Variants in FAM47E observed in about 807,000 individuals in gnomAD.
FAM47E encodes the protein protein FAM47E.
Under a neutral mutation model 41.6 loss-of-function variants are expected in FAM47E, and 32 were observed. The observed-to-expected ratio is 0.77, with a 90% CI of 0.58 to 1.03. The LOEUF (loss-of-function observed/expected upper bound fraction) is 1.03, where lower values mean the gene tolerates loss of function less well. Ranked by LOEUF, FAM47E falls within the 50% of genes least tolerant of loss-of-function variation. The probability of loss-of-function intolerance (pLI) is 0.00; values close to 1 mark genes in which losing one functional copy is unlikely to be tolerated. For missense variants in FAM47E, 424 were observed against 485.4 expected, an observed-to-expected ratio of 0.87 and a Z score of 1.19; for synonymous variants, 184 against 188.7, an observed-to-expected ratio of 0.98 and a Z score of 0.20.
At chr4:76,247,679 C>T (rs1160840097), upstream of FAM47E, among the ~76,000 whole-genome samples, 8 of 152,188 alleles carry the variant, frequency 5.3e-5, no homozygotes, top group African/African-American at 1.7e-4. Context: ...TTTTGATTTG[C>T]ATTTCCTTAA....
At chr4:76,278,378 A>G (rs943907797) in intron 6 of FAM47E, 154 bp downstream of exon 6, 14 of 782,982 alleles carry the variant, frequency 1.8e-5, no homozygotes, top group Non-Finnish European at 2.5e-5. Flanking sequence ...AAGCTAAGTA[A>G]TGTTAAGGAG....
At chr4:76,276,031 C>T (rs1735084809) in intron 5 of FAM47E, among the ~76,000 whole-genome samples, 1 of 75,616 alleles carries the variant, frequency 1.3e-5, no homozygotes. Flanking sequence ...GACAGACAGA[C>T]AGACAGACAC....
intron 4 of FAM47E, 134 bp downstream of exon 4, chr4:76,268,902 C>A: frequency 9.2e-7 from 1 of 1,091,140 alleles, no homozygotes; most frequent in South Asian, 1.7e-5. Context: ...AAATCTAAGT[C>A]AAATCCTCAA....
intron 2 of FAM47E, among the ~76,000 whole-genome samples, chr4:76,260,758 A>G (rs1391606333): frequency 6.6e-6 from 1 of 152,220 alleles, no homozygotes; most frequent in Non-Finnish European, 1.5e-5. Context: ...GAAACTATCA[A>G]CAGAGTAAAC....
intron 2 of FAM47E, among the ~76,000 whole-genome samples, chr4:76,234,928 A>C (rs1324721327): frequency 6.6e-6 from 1 of 152,162 alleles, no homozygotes; most frequent in East Asian, 1.9e-4. Flanking sequence ...CTCTCAAAAA[A>C]AATTTTTCTT....
At chr4:76,229,165 G>A (rs1169421473) in intron 2 of FAM47E, among the ~76,000 whole-genome samples, 3 of 152,066 alleles carry the variant, frequency 2.0e-5, no homozygotes, top group Non-Finnish European at 4.4e-5. Context: ...ATTTTTCTAA[G>A]TGTGTCTTTG....
At chr4:76,228,944 T>A (rs997426022) in intron 2 of FAM47E, among the ~76,000 whole-genome samples, 1 of 152,088 alleles carries the variant, frequency 6.6e-6, no homozygotes, top group African/African-American at 2.4e-5. Context: ...AACTTTTAAA[T>A]TTCTCTTCTT....
upstream of FAM47E, among the ~76,000 whole-genome samples, chr4:76,251,385 C>T (rs1400861902): frequency 1.3e-5 from 2 of 152,186 alleles, no homozygotes; most frequent in Non-Finnish European, 2.9e-5. Flanking sequence ...CTTTCTCTTG[C>T]TATCTCTTTA....
intron 2 of FAM47E, among the ~76,000 whole-genome samples, chr4:76,261,675 G>C (rs1195853738): frequency 6.6e-6 from 1 of 152,034 alleles, no homozygotes; most frequent in African/African-American, 2.4e-5. Flanking sequence ...CTCCAAAAAG[G>C]GGGGTTAGGA....
chr4:76,273,024 G>A (rs185324239), intron 5 of FAM47E, among the ~76,000 whole-genome samples: 2 of 152,182 alleles, frequency 1.3e-5, no homozygotes, highest in Admixed American at 6.5e-5. Flanking sequence ...TTCAGTAGTC[G>A]CCTGTTATCT....
intron 7 of FAM47E, chr4:76,282,262 A>G (rs1452761483): frequency 6.6e-6 from 1 of 152,212 alleles, no homozygotes; most frequent in African/African-American, 2.4e-5. Flanking sequence ...CTAGACAACC[A>G]GTTAGACCAG....
chr4:76,225,783 G>A (rs1733387131), intron 2 of FAM47E, among the ~76,000 whole-genome samples: 1 of 152,170 alleles, frequency 6.6e-6, no homozygotes, highest in Non-Finnish European at 1.5e-5. Context: ...GTTGGATCCA[G>A]TTAGCTAGTA....
intron 2 of FAM47E, among the ~76,000 whole-genome samples, chr4:76,242,885 C>T (rs1482285496): frequency 1.3e-5 from 2 of 152,114 alleles, no homozygotes; most frequent in African/African-American, 4.8e-5. Context: ...ACTTACGTGG[C>T]TCACATTTGT....
chr4:76,223,002 G>A (rs1039726936), intron 2 of FAM47E, among the ~76,000 whole-genome samples: 1 of 152,174 alleles, frequency 6.6e-6, no homozygotes, highest in Non-Finnish European at 1.5e-5. Flanking sequence ...ATCAGACCTT[G>A]ACAGGTGGAT....
At chr4:76,225,198 C>G (rs1733373910) in intron 2 of FAM47E, among the ~76,000 whole-genome samples, 1 of 152,150 alleles carries the variant, frequency 6.6e-6, no homozygotes, top group African/African-American at 2.4e-5. Context: ...CTCGTTGGCA[C>G]TTGAGCTGGT....
intron 1 of FAM47E, among the ~76,000 whole-genome samples, chr4:76,215,552 C>T (rs973250150): frequency 1.3e-5 from 2 of 152,182 alleles, no homozygotes; most frequent in African/African-American, 4.8e-5. Context: ...TATACTTTCT[C>T]GCTTTGAATT....
chr4:76,272,273 A>G (rs1397010947), intron 5 of FAM47E, among the ~76,000 whole-genome samples: 9 of 152,192 alleles, frequency 5.9e-5, no homozygotes, highest in African/African-American at 2.2e-4. Flanking sequence ...GAGAAATAAC[A>G]TGCCATGTTC....
At chr4:76,232,716 T>C (rs114831481) in intron 2 of FAM47E, among the ~76,000 whole-genome samples, 152 of 152,208 alleles carry the variant, frequency 1.0e-3, no homozygotes, top group African/African-American at 3.5e-3. Context: ...TTGCCTCTCT[T>C]TTCTGGATGT....
chr4:76,234,802 A>G (rs1378854023), intron 2 of FAM47E, among the ~76,000 whole-genome samples: 4 of 152,300 alleles, frequency 2.6e-5, no homozygotes, highest in East Asian at 3.9e-4. Flanking sequence ...AGTTCTAGGT[A>G]CTCAAGACAC....
Sources: gnomAD v4.1 joint callset for allele counts (sites outside exome capture counted in the v4.1 genomes callset) on GRCh38, gnomAD v4.1.1 for gene constraint, MANE v1.5 for transcripts, NCBI Gene and HGNC (gene_info 2026-07-23, HGNC 2026-07-21) for gene names.